The following BOD1L1 variants were observed in gnomAD, a reference collection of about 807,000 sequenced individuals.
The protein encoded by BOD1L1 is biorientation of chromosomes in cell division 1 like 1.
Under a neutral mutation model 240.7 loss-of-function variants are expected in BOD1L1, and 86 were observed. The ratio of observed to expected loss-of-function variants is 0.36; its 90% CI spans 0.30 to 0.43. BOD1L1 has a LOEUF of 0.43. Ranked by LOEUF, BOD1L1 falls within the 20% of genes least tolerant of loss-of-function variation. The pLI, the probability that BOD1L1 is intolerant of heterozygous loss-of-function variation, is 1.00. For synonymous variants in BOD1L1, 1,268 were observed against 1,272.3 expected (o/e 1.00, Z 0.07); for missense variants, 3,554 against 3,643.5 (o/e 0.98, Z 0.63).
chr4:13,623,189 T>C (rs192035583), intron 1 of BOD1L1, among the ~76,000 whole-genome samples: 1 of 152,312 alleles, frequency 6.6e-6, no homozygotes, highest in African/African-American at 2.4e-5. Context: ...TCTATTTTTT[T>C]TTTCTACTAG....
chr4:13,581,019 C>T lies in BOD1L1; in HGVS notation c.8703+1G>A. 1 of 1,573,734 alleles carries T rather than the reference C, an allele frequency of 6.4e-7. No homozygotes were observed. The highest frequency in any genetic ancestry group is 8.6e-7 in the Non-Finnish European group (1 of 1,158,946). On this transcript the variant is annotated splice_donor_variant, in intron 21 of 25. Transcript: ENST00000040738. LOFTEE classifies it high-confidence loss of function. The stretch of plus-strand genomic sequence containing the variant: ...AATTGTCATGTTTTGCAATTACTTA[C>T]AGTGACAATGCCAGTATCTGTTTTG...
Position 13,605,055 on chromosome 4 carries a change from T to C in BOD1L1, c.1845A>G (p.Ser615=), listed in dbSNP as rs770479521. 1.3e-6 allele frequency: 2 copies of C among 1,559,538 alleles called. No individual in the cohort carries two copies. Among genetic ancestry groups the C allele is most frequent in the Non-Finnish European group, 1.7e-6 (2 of 1,160,316 alleles). The change falls in exon 10 of 26, where the codon TCA becomes TCG. Residue 615 remains serine (S), a synonymous_variant. Transcript: ENST00000040738. ...TTGCATGAACATGCTTCAGCTCCTT[T>C]GAAGAAGAAATTTTTTCCTTTTCAC... ...EHCEKEKISS[S]KELKHVHAKS...
At chr4:13,573,816 G>T (rs1207765306) in intron 25 of BOD1L1, among the ~76,000 whole-genome samples, 1 of 152,120 alleles carries the variant, frequency 6.6e-6, no homozygotes, top group Non-Finnish European at 1.5e-5. Context: ...GAGCCACTGT[G>T]CGTGGCCTCT....
intron 17 of BOD1L1, 115 bp downstream of exon 17, chr4:13,586,281 G>C: frequency 2.0e-6 from 1 of 492,856 alleles, no homozygotes; most frequent in Non-Finnish European, 3.6e-6. Context: ...TATTATTAGA[G>C]ACATTTAAAG....
chr4:13,586,949 A>G (rs1011729039), intron 16 of BOD1L1, among the ~76,000 whole-genome samples: 1 of 152,228 alleles, frequency 6.6e-6, no homozygotes, highest in Non-Finnish European at 1.5e-5. Flanking sequence ...GAATGTGTAT[A>G]ATGTACCATG....
intron 18 of BOD1L1, 39 bp downstream of exon 18, chr4:13,582,613 A>G: frequency 6.8e-7 from 1 of 1,461,098 alleles, no homozygotes; most frequent in Non-Finnish European, 9.6e-7. Flanking sequence ...GGCTGCTTTG[A>G]AGGCTCAGTC....
At chr4:13,616,834 T>TA (rs1313196133) in intron 2 of BOD1L1, among the ~76,000 whole-genome samples, 14 of 151,300 alleles carry the variant, frequency 9.3e-5, no homozygotes, top group Admixed American at 2.0e-4. Flanking sequence ...TTTTAAAGAT[T>TA]AAAAAAAAAT....
intron 21 of BOD1L1, among the ~76,000 whole-genome samples, chr4:13,580,764 G>T (rs554599667): frequency 1.3e-5 from 2 of 152,140 alleles, no homozygotes; most frequent in South Asian, 2.1e-4. Flanking sequence ...TTAACCAAGG[G>T]TGGCCACAAG....
intron 25 of BOD1L1, among the ~76,000 whole-genome samples, chr4:13,573,677 C>G (rs1482376909): frequency 1.3e-5 from 2 of 152,064 alleles, no homozygotes; most frequent in Non-Finnish European, 2.9e-5. Flanking sequence ...GAGTCTGCCA[C>G]AATGCTCGGC....
chr4:13,571,173 C>T (rs1411827857), intron 25 of BOD1L1, among the ~76,000 whole-genome samples: 4 of 152,132 alleles, frequency 2.6e-5, no homozygotes, highest in South Asian at 2.1e-4. Context: ...CCATTAGACA[C>T]GATGATTCTC....
chr4:13,599,960 C>A lies in BOD1L1; in HGVS notation c.6940G>T (p.Asp2314Tyr), dbSNP rs773369997. ...VMIGAVLQDE[D>Y]RLTITRVEDL... ...TCTACTCTTGTGATGGTGAGCCGAT[C>A]TTCATCCTGGAGGACAGCACCAATC... is the stretch of plus-strand genomic sequence containing the variant. The change falls in exon 10 of 26, where the codon GAT (aspartate) becomes TAT (tyrosine). Residue 2314 changes from aspartate (D) to tyrosine (Y), a missense_variant. By Grantham distance (160) the Asp-to-Tyr change is radical (BLOSUM62 -3). This residue lies in a region of BOD1L1 where 3,393 missense variants were observed against 3,427.1 expected (regional missense o/e 0.99). Transcript: ENST00000040738. 1.2e-6 allele frequency: 2 copies of A among 1,612,406 alleles called. No homozygotes were observed. Among genetic ancestry groups the A allele is most frequent in the South Asian group, 1.1e-5 (1 of 90,726 alleles).
intron 1 of BOD1L1, 31 bp downstream of exon 1, chr4:13,627,314 C>T: frequency 8.1e-7 from 1 of 1,228,556 alleles, no homozygotes; most frequent in Non-Finnish European, 1.0e-6. Flanking sequence ...CCCCTTCCCT[C>T]GCAGACCCCC....
At chr4:13,587,016 T>C (rs1278946300) in intron 16 of BOD1L1, among the ~76,000 whole-genome samples, 1 of 152,212 alleles carries the variant, frequency 6.6e-6, no homozygotes, top group African/African-American at 2.4e-5. Context: ...ATATAAAATA[T>C]AAATATTTCA....
At chr4:13,624,230 G>A (rs962771539) in intron 1 of BOD1L1, 3 of 152,020 alleles carry the variant, frequency 2.0e-5, no homozygotes, top group Admixed American at 6.6e-5. Context: ...GGGGGAGAGA[G>A]AGAGAGATTT....
chr4:13,596,211 T>C (rs1429081568), intron 11 of BOD1L1, among the ~76,000 whole-genome samples: 1 of 152,140 alleles, frequency 6.6e-6, no homozygotes, highest in African/African-American at 2.4e-5. Context: ...CACAAGACTC[T>C]TCCTGATGGG....
At position 13,600,919 on chromosome 4, in the gene BOD1L1, A is replaced by G. The variant is rs760127275; in HGVS notation, c.5981T>C (p.Val1994Ala). Reference protein sequence around the residue: ...SDQSDSQLEKVEDTTISTGLV... With the variant: ...SDQSDSQLEKAEDTTISTGLV... ...GCCAGTGGAAATAGTGGTATCTTCA[A>G]CTTTTTCGAGCTGACTGTCACTTTG... Residue 1994 changes from valine (V) to alanine (A), a missense_variant, in exon 10 of 26, where the codon GTT (valine) becomes GCT (alanine). Val to Ala is a moderately conservative substitution (Grantham distance 64, BLOSUM62 0). This residue lies in a region of BOD1L1 where 3,393 missense variants were observed against 3,427.1 expected (regional missense o/e 0.99). Coordinates refer to ENST00000040738, the MANE Select transcript of BOD1L1 (RefSeq NM_148894.3). 20 of 1,613,808 alleles carry G rather than the reference A, an allele frequency of 1.2e-5. No homozygotes were observed. Among genetic ancestry groups the G allele is most frequent in the Non-Finnish European group, 1.6e-5 (19 of 1,179,890 alleles).
chr4:13,596,414 G>A (rs1490690338), intron 11 of BOD1L1, among the ~76,000 whole-genome samples: 1 of 152,062 alleles, frequency 6.6e-6, no homozygotes, highest in Non-Finnish European at 1.5e-5. Context: ...CTCCTTGCAA[G>A]CCCTCCTGTC....
Position 13,607,121 on chromosome 4 carries a change from CT to C in BOD1L1, c.1810del (p.Ser604ValfsTer15). On this transcript the variant is annotated frameshift_variant, in exon 9 of 26. Coordinates refer to ENST00000040738, the MANE Select transcript of BOD1L1 (RefSeq NM_148894.3). LOFTEE classifies it high-confidence loss of function. ...TGAGGTTTTATTAAGGCATACCTCA[CT>C]TGTTTTAAGGGTTTCTTTGGAATCT... ...EEDSKETLKT[S>X]EHCEKEKISS... The C allele has an allele frequency of 6.4e-7, 1 of 1,557,020 alleles. No individual in the cohort carries two copies. The highest frequency in any genetic ancestry group is 8.7e-7 in the Non-Finnish European group (1 of 1,149,410).
chr4:13,615,561 A>T, intron 2 of BOD1L1, 59 bp from the exon 3 acceptor site: 5 of 1,427,326 alleles, frequency 3.5e-6, no homozygotes, highest in Non-Finnish European at 4.8e-6. Flanking sequence ...TGCATTAATT[A>T]CTTTAAAATA....
Sources: allele counts gnomAD v4.1 joint callset (sites outside exome capture counted in the v4.1 genomes callset), GRCh38; gene constraint gnomAD v4.1.1; regional missense constraint gnomAD v4.1.1; transcripts MANE v1.5; gene names NCBI Gene and HGNC (gene_info 2026-07-23, HGNC 2026-07-21).